The following FNBP1 variants were observed in gnomAD, a reference collection of about 807,000 sequenced individuals.
FNBP1 encodes formin binding protein 1.
In FNBP1, 26 loss-of-function variants were observed where a neutral mutation model predicts 90.6. That is an observed-to-expected ratio of 0.29 (90% CI 0.21 to 0.40). The LOEUF (loss-of-function observed/expected upper bound fraction) is 0.40, where lower values mean the gene tolerates loss of function less well. FNBP1 is among the 10% of genes least tolerant of loss of function. The pLI is 1.00. For synonymous variants in FNBP1, 260 were observed against 265.2 expected (o/e 0.98, Z 0.19); for missense variants, 635 against 768.0 (o/e 0.83, Z 2.05).
the FNBP1 span, among the ~76,000 whole-genome samples, chr9:130,049,058 C>A: frequency 1.3e-5 from 2 of 151,870 alleles, no homozygotes; most frequent in Non-Finnish European, 2.9e-5. Flanking sequence ...GGATTACAGG[C>A]ATGAGCCACC....
At chr9:130,022,566 C>T (rs2057942369) in intron 1 of FNBP1, among the ~76,000 whole-genome samples, 1 of 152,154 alleles carries the variant, frequency 6.6e-6, no homozygotes, top group African/African-American at 2.4e-5. Context: ...TACATAGTTA[C>T]AAGTAGAAAA....
chr9:129,995,341 C>G (rs2053818262), intron 1 of FNBP1, among the ~76,000 whole-genome samples: 1 of 152,152 alleles, frequency 6.6e-6, no homozygotes, highest in Non-Finnish European at 1.5e-5. Flanking sequence ...TCATTCAAAA[C>G]AGCTGATTGA....
chr9:129,981,050 CA>C (rs71385498), intron 2 of FNBP1, among the ~76,000 whole-genome samples: 111,778 of 120,524 alleles, frequency 0.93, 51,870 homozygotes, highest in East Asian at 0.98. Flanking sequence ...GACTCCGTCT[CA>C]AAAAAAAAAA....
At chr9:130,053,492 G>A in the FNBP1 span, 1 of 180,324 alleles carries the variant, frequency 5.5e-6, no homozygotes, top group Non-Finnish European at 1.2e-5. Context: ...CCCCTACGGC[G>A]AGCCGGGAAT....
intron 1 of FNBP1, among the ~76,000 whole-genome samples, chr9:130,023,821 G>GT (rs1473857210): frequency 1.3e-5 from 2 of 152,080 alleles, no homozygotes; most frequent in Non-Finnish European, 2.9e-5. Flanking sequence ...TTCCATCCAC[G>GT]TGAGTGTATC....
intron 8 of FNBP1, among the ~76,000 whole-genome samples, chr9:129,926,754 C>T (rs1420128830): frequency 7.3e-6 from 1 of 136,610 alleles, no homozygotes; most frequent in Middle Eastern, 3.6e-3. Flanking sequence ...GGGCGTGGTG[C>T]GGGCGCCTGT....
intron 4 of FNBP1, among the ~76,000 whole-genome samples, chr9:129,961,921 C>T (rs867466623): frequency 7.7e-4 from 118 of 152,292 alleles, no homozygotes; most frequent in African/African-American, 2.6e-3. Flanking sequence ...ACTGTACCAT[C>T]GCTGACTTGG....
intron 10 of FNBP1, among the ~76,000 whole-genome samples, chr9:129,920,404 T>C (rs7046473): frequency 0.83 from 125,562 of 151,812 alleles, 52,185 homozygotes; most frequent in East Asian, 0.91. Context: ...TGGGTTCAAG[T>C]GATTCTCCTG....
intron 6 of FNBP1, among the ~76,000 whole-genome samples, chr9:129,939,529 G>C (rs1357043844): frequency 6.6e-6 from 1 of 152,106 alleles, no homozygotes; most frequent in East Asian, 1.9e-4. Flanking sequence ...GAAATAATTA[G>C]AGAAACTTCT....
intron 6 of FNBP1, among the ~76,000 whole-genome samples, chr9:129,951,887 G>T (rs911538551): frequency 6.6e-6 from 1 of 151,974 alleles, no homozygotes; most frequent in South Asian, 2.1e-4. Context: ...ACAATACCGT[G>T]AAAAGCATGA....
chr9:129,980,001 C>A (rs147018233), intron 2 of FNBP1, among the ~76,000 whole-genome samples: 1 of 151,746 alleles, frequency 6.6e-6, no homozygotes, highest in Admixed American at 6.6e-5. Flanking sequence ...ACCATTCTCT[C>A]GTGGTCATCC....
intron 6 of FNBP1, among the ~76,000 whole-genome samples, chr9:129,955,489 G>GCCT (rs2046789993): frequency 6.7e-6 from 1 of 150,310 alleles, no homozygotes; most frequent in South Asian, 2.1e-4. Context: ...GCTCACCTTG[G>GCCT]CCTCCCAAAG....
At chr9:130,017,648 C>T (rs879890530) in intron 1 of FNBP1, among the ~76,000 whole-genome samples, 3 of 151,790 alleles carry the variant, frequency 2.0e-5, no homozygotes, top group Non-Finnish European at 2.9e-5. Flanking sequence ...TGGCCAACAT[C>T]GCGAAACCCA....
intron 4 of FNBP1, among the ~76,000 whole-genome samples, chr9:129,973,143 C>A (rs558264963): frequency 6.6e-6 from 1 of 152,320 alleles, no homozygotes; most frequent in East Asian, 1.9e-4. Flanking sequence ...CACCACCAAG[C>A]AGGGGGCTCC....
rs150861271 is a variant in FNBP1 at position 130,012,702 on chromosome 9, C to T, written c.25-17744G>A. ...TCGCCCAGGCTGGAGTGCAGTGGTG[C>T]GATCTCGGCTCACTGCAACCTCCAT... On this transcript the variant is annotated intron_variant, in intron 1 of 16. Coordinates refer to ENST00000446176, the MANE Select transcript of FNBP1 (RefSeq NM_015033.3). Among the ~76,000 whole-genome samples the T allele has an allele frequency of 1.1e-3, 163 of 152,108 alleles. 1 individual carries two copies. Among genetic ancestry groups the T allele is most frequent in the African/African-American group, 3.7e-3 (154 of 41,488 alleles).
At chr9:129,911,113 C>T (rs900356944) in intron 11 of FNBP1, among the ~76,000 whole-genome samples, 3 of 152,176 alleles carry the variant, frequency 2.0e-5, no homozygotes, top group Non-Finnish European at 2.9e-5. Context: ...CTGCCCACCT[C>T]GGCCTCCCAA....
intron 16 of FNBP1, among the ~76,000 whole-genome samples, chr9:129,894,924 G>GGT (rs1283220300): frequency 6.6e-6 from 1 of 152,120 alleles, no homozygotes; most frequent in African/African-American, 2.4e-5. Flanking sequence ...CAGGCGTGGT[G>GGT]GTGCACACCT....
intron 1 of FNBP1, among the ~76,000 whole-genome samples, chr9:130,011,215 C>CAAAAAAA (rs1192541205): frequency 7.5e-5 from 1 of 13,418 alleles, no homozygotes; most frequent in Non-Finnish European, 1.4e-4. Flanking sequence ...GACTCCATCT[C>CAAAAAAA]AAAAAAAAAA....
At chr9:129,977,933 G>A (rs1465830909) in intron 4 of FNBP1, among the ~76,000 whole-genome samples, 1 of 152,020 alleles carries the variant, frequency 6.6e-6, no homozygotes, top group African/African-American at 2.4e-5. Flanking sequence ...TGGGTCCACA[G>A]ATGAGTTTCA....
Sources: gnomAD v4.1 joint callset for allele counts (sites outside exome capture counted in the v4.1 genomes callset) on GRCh38, gnomAD v4.1.1 for gene constraint, MANE v1.5 for transcripts, NCBI Gene and HGNC (gene_info 2026-07-23, HGNC 2026-07-21) for gene names.